Variants in KCTD1 observed in about 807,000 individuals in gnomAD.
The protein encoded by KCTD1 is potassium channel tetramerization domain containing 1.
KCTD1 carries 24 observed loss-of-function variants against 66.0 expected under a neutral mutation model. The ratio of observed to expected loss-of-function variants is 0.36; its 90% CI spans 0.26 to 0.51. The LOEUF (loss-of-function observed/expected upper bound fraction) is 0.51. Ranked by LOEUF, KCTD1 falls within the 20% of genes least tolerant of loss-of-function variation. The pLI is 0.95. For missense variants in KCTD1, 943 were observed against 1,205.2 expected, an observed-to-expected ratio of 0.78 and a Z score of 3.22; for synonymous variants, 511 against 517.2, an observed-to-expected ratio of 0.99 and a Z score of 0.16.
intron 1 of KCTD1, among the ~76,000 whole-genome samples, chr18:26,523,884 G>A (rs940589194): frequency 2.6e-5 from 4 of 152,166 alleles, no homozygotes; most frequent in East Asian, 3.9e-4. Flanking sequence ...GGCTGGTGCC[G>A]GAATGATGAC....
chr18:26,549,787 G>T (rs906656613), upstream of KCTD1: 3 of 985,514 alleles, frequency 3.0e-6, no homozygotes, highest in African/African-American at 5.2e-5. Flanking sequence ...CAGGCGCGCG[G>T]GGGCGGGCAC....
At chr18:26,636,338 T>C (rs1987722673) in intron 1 of KCTD1, among the ~76,000 whole-genome samples, 1 of 152,200 alleles carries the variant, frequency 6.6e-6, no homozygotes, top group African/African-American at 2.4e-5. Context: ...GTGATGGTTA[T>C]GTTCCCTTAG....
intron 1 of KCTD1, among the ~76,000 whole-genome samples, chr18:26,559,542 G>A (rs1367381482): frequency 1.3e-5 from 2 of 152,146 alleles, no homozygotes; most frequent in Non-Finnish European, 2.9e-5. Flanking sequence ...TGAGAACCAC[G>A]GGCCTAGAAG....
intron 1 of KCTD1, among the ~76,000 whole-genome samples, chr18:26,555,830 C>T (rs568179864): frequency 3.9e-5 from 6 of 152,182 alleles, no homozygotes; most frequent in South Asian, 4.1e-4. Context: ...GTGAAATAAA[C>T]GATATGTACT....
chr18:26,549,101 G>A (rs1019885497), upstream of KCTD1: 17 of 984,672 alleles, frequency 1.7e-5, no homozygotes, highest in Admixed American at 6.2e-5. Flanking sequence ...GCCGCCCGGA[G>A]CGGAGCGGAG....
chr18:26,655,138 TTTA>T (rs1407519078), intron 1 of KCTD1, among the ~76,000 whole-genome samples: 1 of 152,252 alleles, frequency 6.6e-6, no homozygotes. Context: ...TTTAAAATCC[TTTA>T]TTTTCTCCTT....
chr18:26,554,880 CT>C (rs1488579234), intron 1 of KCTD1, among the ~76,000 whole-genome samples: 3 of 152,148 alleles, frequency 2.0e-5, no homozygotes, highest in Non-Finnish European at 2.9e-5. Flanking sequence ...GATCATGAAA[CT>C]TCACTTGGTT....
intron 2 of KCTD1, among the ~76,000 whole-genome samples, chr18:26,488,249 C>A (rs1306072744): frequency 6.6e-6 from 1 of 151,934 alleles, no homozygotes; most frequent in East Asian, 1.9e-4. Flanking sequence ...TATTCCAGTC[C>A]ATTTTCTCTG....
Position 26,476,560 on chromosome 18 carries a change from C to T in KCTD1, c.2088G>A (p.Leu696=). ...DRDGQMFRYI[L]NFLRTSKLLI... Reference sequence around the variant, plus strand: ...GGAGTTTGGATGTTCGTAGAAAATTCAAGATATATCTGAACATCTGTCCAT... The same window carrying T: ...GGAGTTTGGATGTTCGTAGAAAATTTAAGATATATCTGAACATCTGTCCAT... Residue 696 remains leucine (L), a synonymous_variant, in exon 3 of 5, where the codon TTG becomes TTA. Coordinates refer to ENST00000580059, the MANE Select transcript of KCTD1 (RefSeq NM_001142730.3). This position sits in a 1 kb window ranked among gnomAD's most constrained non-coding sequence, Gnocchi z 4.9. 4 of 1,613,482 alleles carry T rather than the reference C, an allele frequency of 2.5e-6. No individual in the cohort carries two copies. In the East Asian group the frequency reaches 8.9e-5, roughly 36 times the overall value.
chr18:26,463,566 C>T (rs1298317585), intron 3 of KCTD1, among the ~76,000 whole-genome samples: 1 of 150,576 alleles, frequency 6.6e-6, no homozygotes, highest in South Asian at 2.1e-4. Context: ...GATGGAGTTT[C>T]GCTCTTGTCA....
chr18:26,510,856 C>CA (rs1465565063), intron 1 of KCTD1, among the ~76,000 whole-genome samples: 1 of 152,160 alleles, frequency 6.6e-6, no homozygotes, highest in Non-Finnish European at 1.5e-5. Context: ...TTAAAAGTGA[C>CA]AGAGCTGCTT....
At chr18:26,485,587 A>G (rs552764871) in intron 2 of KCTD1, among the ~76,000 whole-genome samples, 4 of 152,334 alleles carry the variant, frequency 2.6e-5, no homozygotes, top group African/African-American at 9.6e-5. Flanking sequence ...TTTGTCTAAA[A>G]TCAGTTGAGG....
chr18:26,518,914 T>C (rs1433303604), intron 1 of KCTD1, among the ~76,000 whole-genome samples: 1 of 152,242 alleles, frequency 6.6e-6, no homozygotes, highest in African/African-American at 2.4e-5. Context: ...CACTTTATAC[T>C]GCACAGGACA....
At chr18:26,485,277 C>T (rs1317779968) in intron 2 of KCTD1, among the ~76,000 whole-genome samples, 1 of 152,176 alleles carries the variant, frequency 6.6e-6, no homozygotes, top group Non-Finnish European at 1.5e-5. Context: ...GGCAAGGACA[C>T]CTAGCCAACT....
At chr18:26,561,297 T>C (rs1416995674) in intron 1 of KCTD1, among the ~76,000 whole-genome samples, 1 of 152,186 alleles carries the variant, frequency 6.6e-6, no homozygotes, top group Non-Finnish European at 1.5e-5. Context: ...ATTGAGGAAC[T>C]TTAACTTCTT....
intron 3 of KCTD1, among the ~76,000 whole-genome samples, chr18:26,467,843 A>T (rs887694398): frequency 2.5e-4 from 38 of 152,154 alleles, no homozygotes; most frequent in Admixed American, 7.2e-4. Context: ...TAAATTAATT[A>T]AAAAAATACC....
At chr18:26,512,026 T>C (rs1209965708) in intron 1 of KCTD1, among the ~76,000 whole-genome samples, 2 of 152,226 alleles carry the variant, frequency 1.3e-5, no homozygotes, top group Non-Finnish European at 2.9e-5. Context: ...GATGTGGTCA[T>C]TGAAATTCCT....
At position 26,530,463 on chromosome 18, in the gene KCTD1, G is replaced by GA. The variant is rs541675861; in HGVS notation, c.1809+16264dup. The stretch of plus-strand genomic sequence containing the variant: ...AAACACGGAAGAGGCTGAAAGTCTA[G>GA]ATGTGGTGAACTTTGGGGCAAGTCC... On this transcript the variant is annotated intron_variant, in intron 1 of 4. Transcript: ENST00000580059. Among the ~76,000 whole-genome samples, 150 of 152,300 alleles carry GA rather than the reference G, an allele frequency of 9.8e-4. 1 individual carries two copies. The highest frequency in any genetic ancestry group is 3.4e-3 in the African/African-American group (143 of 41,566).
intron 1 of KCTD1, chr18:26,599,850 T>C (rs1167971221): frequency 1.9e-6 from 3 of 1,555,970 alleles, no homozygotes; most frequent in Admixed American, 1.7e-5. Flanking sequence ...ACCTTGGTCA[T>C]GAAAGTGACA....
Sources: allele counts gnomAD v4.1 joint callset (sites outside exome capture counted in the v4.1 genomes callset), GRCh38; gene constraint gnomAD v4.1.1; non-coding constraint Gnocchi (gnomAD v3.1); transcripts MANE v1.5; gene names NCBI Gene and HGNC (gene_info 2026-07-23, HGNC 2026-07-21).